ST3GAL5: variants seen among roughly 807,000 people sequenced by gnomAD.
ST3GAL5 encodes the protein ST3 beta-galactoside alpha-2,3-sialyltransferase 5.
Under a neutral mutation model 46.1 loss-of-function variants are expected in ST3GAL5, and 25 were observed. The observed-to-expected ratio is 0.54, with a 90% CI of 0.40 to 0.76. The LOEUF is 0.76. ST3GAL5 is among the 30% of genes least tolerant of loss of function. The pLI, the probability that ST3GAL5 is intolerant of heterozygous loss-of-function variation, is 0.00. For synonymous variants in ST3GAL5, 182 were observed against 192.7 expected (o/e 0.94, Z 0.46); for missense variants, 431 against 521.2 (o/e 0.83, Z 1.69).
rs1681729083 is a variant in ST3GAL5, at chr2:85,839,249, C to T, written c.*895G>A. On this transcript the variant is annotated 3_prime_UTR_variant, in exon 7 of 7. Transcript: ENST00000638572. Reference sequence around the variant, plus strand: ...CAGAAAAGTTTCTTTTTTTTAAATACACAATTTATAATACTGGGAAGATTT... The same window carrying T: ...CAGAAAAGTTTCTTTTTTTTAAATATACAATTTATAATACTGGGAAGATTT... The T allele has an allele frequency of 1.3e-5, 2 of 152,120 alleles. No homozygotes were observed. The highest frequency in any genetic ancestry group is 1.3e-4 in the Admixed American group (2 of 15,280). 9.4% of individuals were successfully genotyped at this position (152,120 alleles called of 1,614,324 possible).
chr2:85,868,801 T>C (rs1444376228), intron 1 of ST3GAL5, among the ~76,000 whole-genome samples: 1 of 152,022 alleles, frequency 6.6e-6, no homozygotes, highest in Non-Finnish European at 1.5e-5. Flanking sequence ...GTATTTTTAG[T>C]ACAGACAAGG....
chr2:85,848,458 C>T, intron 3 of ST3GAL5: 1 of 1,405,192 alleles, frequency 7.1e-7, no homozygotes, highest in Non-Finnish European at 9.7e-7. Flanking sequence ...AGAAGGACTC[C>T]CGCCTCCCAC....
chr2:85,856,897 T>C (rs946837892), intron 3 of ST3GAL5, among the ~76,000 whole-genome samples: 13 of 150,402 alleles, frequency 8.6e-5, no homozygotes, highest in Admixed American at 7.9e-4. Context: ...ATGGGTGAAC[T>C]ATGTGGTGTG....
chr2:85,881,163 G>T (rs965549908), intron 1 of ST3GAL5, among the ~76,000 whole-genome samples: 1 of 152,192 alleles, frequency 6.6e-6, no homozygotes, highest in Non-Finnish European at 1.5e-5. Flanking sequence ...CTGCTGCCAT[G>T]TAAGAAGTGC....
intron 1 of ST3GAL5, among the ~76,000 whole-genome samples, chr2:85,877,051 C>T (rs1172096980): frequency 6.6e-6 from 1 of 152,188 alleles, no homozygotes; most frequent in East Asian, 1.9e-4. Context: ...TGCTGCCATT[C>T]CATTGGTATA....
intron 3 of ST3GAL5, chr2:85,854,875 C>T (rs182737035): frequency 6.6e-5 from 10 of 152,198 alleles, no homozygotes; most frequent in African/African-American, 1.4e-4. Flanking sequence ...CACAGAGGGA[C>T]GATCAGGGAT....
chr2:85,872,048 C>T (rs983292986), intron 1 of ST3GAL5, among the ~76,000 whole-genome samples: 3 of 152,048 alleles, frequency 2.0e-5, no homozygotes, highest in Non-Finnish European at 2.9e-5. Flanking sequence ...GCTGGGTGGG[C>T]GACAAGGCAG....
At chr2:85,859,001 C>T (rs1386808463) in intron 3 of ST3GAL5, among the ~76,000 whole-genome samples, 2 of 152,166 alleles carry the variant, frequency 1.3e-5, no homozygotes, top group East Asian at 1.9e-4. Context: ...GACAAGCAGA[C>T]CACGTGGCTT....
intron 3 of ST3GAL5, 25 bp from the exon 4 acceptor site, chr2:85,848,229 G>A: frequency 1.2e-6 from 2 of 1,613,672 alleles, no homozygotes; most frequent in Non-Finnish European, 8.5e-7. Flanking sequence ...CACCAATCTG[G>A]GTTTTAAAAA....
At chr2:85,841,574 A>G (rs1682106450) in intron 6 of ST3GAL5, among the ~76,000 whole-genome samples, 1 of 152,056 alleles carries the variant, frequency 6.6e-6, no homozygotes, top group African/African-American at 2.4e-5. Context: ...GGCTCAAGCA[A>G]TCCTCCCGTC....
chr2:85,844,629 A>G, intron 5 of ST3GAL5, 75 bp from the exon 6 acceptor site: 4 of 1,598,700 alleles, frequency 2.5e-6, no homozygotes, highest in Non-Finnish European at 3.4e-6. Context: ...CATCAGACCA[A>G]GGCTGTGGGT....
intron 1 of ST3GAL5, 123 bp from the exon 2 acceptor site, chr2:85,863,608 A>G (rs1018766942): frequency 8.1e-5 from 88 of 1,090,606 alleles, no homozygotes; most frequent in Non-Finnish European, 7.8e-5. Flanking sequence ...CTGGCAATAA[A>G]GAAGAATGAA....
At chr2:85,886,787 T>C (rs1360908266) in intron 1 of ST3GAL5, among the ~76,000 whole-genome samples, 3 of 152,172 alleles carry the variant, frequency 2.0e-5, no homozygotes, top group Non-Finnish European at 4.4e-5. Flanking sequence ...TGCTAACTTA[T>C]GCCACCCACA....
intron 3 of ST3GAL5, among the ~76,000 whole-genome samples, chr2:85,852,454 T>G (rs927073402): frequency 6.6e-6 from 1 of 152,208 alleles, no homozygotes; most frequent in African/African-American, 2.4e-5. Context: ...TTGACATATT[T>G]TACTCACATT....
At chr2:85,873,246 G>A (rs1686154742) in intron 1 of ST3GAL5, among the ~76,000 whole-genome samples, 2 of 152,170 alleles carry the variant, frequency 1.3e-5, no homozygotes, top group African/African-American at 4.8e-5. Flanking sequence ...AGCAATTCAA[G>A]TTCCCGAGCT....
intron 5 of ST3GAL5, chr2:85,845,538 A>G (rs770314602): frequency 6.6e-6 from 1 of 152,202 alleles, no homozygotes; most frequent in Non-Finnish European, 1.5e-5. Flanking sequence ...GCGACTCTTA[A>G]TTAGGTCTGG....
chr2:85,888,521 G>C lies in ST3GAL5; in HGVS notation c.82+303C>G, dbSNP rs535869904. 3.6e-5 allele frequency: 8 copies of C among 220,710 alleles called. No individual in the cohort carries two copies. The East Asian group carries it at 6.7e-4, about 18-fold the overall frequency. 13.7% of individuals were successfully genotyped at this position (220,710 alleles called of 1,614,324 possible). A position where few individuals can be genotyped will look rare whatever the true frequency, so the allele number is the denominator to read the frequency against. ...AGCTTCCAGCAATGAATTAAATCCCGAGCTGCAGCGGAAAGCGGCGGGGAA... is the reference window on the plus strand; with the variant it reads ...AGCTTCCAGCAATGAATTAAATCCCCAGCTGCAGCGGAAAGCGGCGGGGAA... On this transcript the variant is annotated intron_variant, in intron 1 of 6. Coordinates refer to ENST00000638572, the MANE Select transcript of ST3GAL5 (RefSeq NM_003896.4).
At chr2:85,844,953 G>A (rs2280312) in intron 5 of ST3GAL5, 49,685 of 261,452 alleles carry the variant, frequency 0.19, 5,541 homozygotes, top group South Asian at 0.3. Context: ...GTCCCATGAA[G>A]TCGTTTCATA....
At chr2:85,860,941 G>A (rs371924320) in intron 3 of ST3GAL5, 13 of 513,898 alleles carry the variant, frequency 2.5e-5, no homozygotes, top group Non-Finnish European at 4.2e-5. Context: ...CTGTTGGGTT[G>A]AGCCCACCTC....
Sources: allele counts gnomAD v4.1 joint callset (sites outside exome capture counted in the v4.1 genomes callset), GRCh38; gene constraint gnomAD v4.1.1; transcripts MANE v1.5; gene names NCBI Gene and HGNC (gene_info 2026-07-23, HGNC 2026-07-21).